Variants in PCDHGA3 observed in about 807,000 individuals in gnomAD.
The protein encoded by PCDHGA3 is protocadherin gamma-A3.
A neutral mutation model predicts 58.5 loss-of-function variants in PCDHGA3; 40 were observed. That is an observed-to-expected ratio of 0.68 (90% CI 0.53 to 0.89). The LOEUF (loss-of-function observed/expected upper bound fraction) is 0.89, where lower values mean the gene tolerates loss of function less well. Ranked by LOEUF, PCDHGA3 falls within the 40% of genes least tolerant of loss-of-function variation. The pLI is 0.00. For synonymous variants in PCDHGA3, 530 were observed against 525.7 expected (o/e 1.01, Z -0.11); for missense variants, 1,223 against 1,195.9 (o/e 1.02, Z -0.33).
chr5:141,409,200 T>C, intron 1 of PCDHGA3: 2 of 1,614,020 alleles, frequency 1.2e-6, no homozygotes, highest in Non-Finnish European at 1.7e-6. Flanking sequence ...CAGTGTAAAG[T>C]AATCATAGAA....
At chr5:141,385,488 T>G in intron 1 of PCDHGA3, 1 of 1,400,248 alleles carries the variant, frequency 7.1e-7, no homozygotes, top group Non-Finnish European at 9.3e-7. Flanking sequence ...ATAGAACACA[T>G]AGGATATAGT....
chr5:141,443,561 C>T (rs1487096752), intron 1 of PCDHGA3, among the ~76,000 whole-genome samples: 3 of 152,118 alleles, frequency 2.0e-5, no homozygotes, highest in Non-Finnish European at 1.5e-5. Context: ...AATTCAAATG[C>T]TTTAAATGGA....
In PCDHGA3 at chr5:141,405,105, A is replaced by T. The variant is rs1239308721; in HGVS notation, c.2424+58648A>T. The T allele has an allele frequency of 5.6e-6, 9 of 1,613,756 alleles. No individual in the cohort carries two copies. In the Admixed American group the frequency reaches 1.5e-4, roughly 27 times the overall value. Reference sequence around the variant, plus strand: ...ACGCTGCTGGCCCTCAGGCTGAGGCACTGGCACTCCTCGCATCTGCTGCGG... The same window carrying T: ...ACGCTGCTGGCCCTCAGGCTGAGGCTCTGGCACTCCTCGCATCTGCTGCGG... On this transcript the variant is annotated intron_variant, in intron 1 of 3. Coordinates refer to ENST00000253812, the MANE Select transcript of PCDHGA3 (RefSeq NM_018916.4).
chr5:141,360,006 A>G lies in PCDHGA3; in HGVS notation c.2424+13549A>G, dbSNP rs551893441. On this transcript the variant is annotated intron_variant, in intron 1 of 3. Transcript: ENST00000253812. ...AGAGGGGAACTTCCTGCACAAACCA[A>G]CCACACAGAGAAGGCCAGTATAGAT... 5.9e-5 allele frequency: 71 copies of G among 1,203,596 alleles called. No homozygotes were observed. The Middle Eastern group carries it at 1.4e-3, about 25-fold the overall frequency. 74.6% of individuals were successfully genotyped at this position (1,203,596 alleles called of 1,614,324 possible). A position where few individuals can be genotyped will look rare whatever the true frequency, so the allele number is the denominator to read the frequency against.
At chr5:141,401,726 A>T (rs943909540) in intron 1 of PCDHGA3, among the ~76,000 whole-genome samples, 1 of 152,186 alleles carries the variant, frequency 6.6e-6, no homozygotes, top group African/African-American at 2.4e-5. Context: ...AAAAACTACT[A>T]GTCTTGTGTA....
chr5:141,485,408 T>C lies in PCDHGA3; in HGVS notation c.2425-9399T>C. On this transcript the variant is annotated intron_variant, in intron 1 of 3. Transcript: ENST00000253812. The surrounding 1 kb of genome is among the most constrained non-coding windows in gnomAD (Gnocchi z 5.7). ...GAACCAAAGACACTTCCGTGTGGAT[T>C]TGGACAGCGGAGCCCTGCTCATCAA... 1 of 1,614,112 alleles carries C rather than the reference T, an allele frequency of 6.2e-7. No individual in the cohort carries two copies. Among genetic ancestry groups the C allele is most frequent in the Non-Finnish European group, 8.5e-7 (1 of 1,180,034 alleles).
rs570809952 is a variant in PCDHGA3 at position 141,463,609 on chromosome 5, C to T, written c.2425-31198C>T. 4.6e-5 allele frequency among the ~76,000 whole-genome samples: 7 copies of T among 151,964 alleles called. No homozygotes were observed. In the East Asian group the frequency reaches 9.7e-4, roughly 21 times the overall value. The stretch of plus-strand genomic sequence containing the variant: ...GACTACAGGTGCCTGCCACCATGCC[C>T]GGCTAATTTTTTGTATTTTGTTTAG... On this transcript the variant is annotated intron_variant, in intron 1 of 3. Coordinates refer to ENST00000253812, the MANE Select transcript of PCDHGA3 (RefSeq NM_018916.4).
chr5:141,456,872 A>C (rs1003618586), intron 1 of PCDHGA3, among the ~76,000 whole-genome samples: 2 of 152,152 alleles, frequency 1.3e-5, no homozygotes, highest in African/African-American at 4.8e-5. Context: ...CTGAGGCAGG[A>C]GAATCGCTTG....
At chr5:141,354,992 G>T in intron 1 of PCDHGA3, 2 of 650,704 alleles carry the variant, frequency 3.1e-6, no homozygotes, top group Non-Finnish European at 4.7e-6. Flanking sequence ...TCACCAATCA[G>T]GGGGAAAAGA....
chr5:141,392,757 AAT>A, intron 1 of PCDHGA3: 1 of 1,471,072 alleles, frequency 6.8e-7, no homozygotes, highest in African/African-American at 1.4e-5. Flanking sequence ...CAAGAAACTA[AAT>A]AAGACCCATT....
At position 141,413,510 on chromosome 5, in the gene PCDHGA3, T is replaced by G. The variant is rs372002880; in HGVS notation, c.2424+67053T>G. On this transcript the variant is annotated intron_variant, in intron 1 of 3. Transcript: ENST00000253812. ...GCGCGGTGCGTGGTGAGTTTTAATA[T>G]CCTTGTGGAAGACAGGGTGAAACTT... The G allele has an allele frequency of 5.4e-5, 87 of 1,613,876 alleles. No individual in the cohort carries two copies. Among genetic ancestry groups the G allele is most frequent in the Middle Eastern group, 1.6e-4 (1 of 6,084 alleles).
intron 1 of PCDHGA3, among the ~76,000 whole-genome samples, chr5:141,455,161 T>G (rs6861291): frequency 0.084 from 8,821 of 104,682 alleles, 480 homozygotes; most frequent in African/African-American, 0.22. Context: ...AGTTTGTTGG[T>G]TTTTTTTTTA....
chr5:141,344,683 G>A lies in PCDHGA3; in HGVS notation c.650G>A (p.Gly217Asp). ...CAGCTTGTCCTGGTTGCCTCTGATG[G>A]TGGCGACCCTGTCCACTCTGGCAAC... Reference protein sequence around the residue: ...IHQLVLVASDGGDPVHSGNLH... With the variant: ...IHQLVLVASDDGDPVHSGNLH... Residue 217 changes from glycine to aspartate, a missense_variant, in exon 1 of 4, where the codon GGT becomes GAT. Gly to Asp is a moderately conservative substitution (Grantham distance 94). Transcript: ENST00000253812. 2 of 1,613,978 alleles carry A rather than the reference G, an allele frequency of 1.2e-6. No homozygotes were observed. The highest frequency in any genetic ancestry group is 1.1e-5 in the South Asian group (1 of 91,084).
chr5:141,440,321 C>T (rs1048535776), intron 1 of PCDHGA3: 1 of 152,104 alleles, frequency 6.6e-6, no homozygotes, highest in African/African-American at 2.4e-5. Context: ...ACAAAAATTA[C>T]TGGGCATGGT....
intron 1 of PCDHGA3, chr5:141,407,933 TG>T: frequency 2.0e-6 from 1 of 505,054 alleles, no homozygotes; most frequent in Non-Finnish European, 3.4e-6. Flanking sequence ...ACGGAGCCTC[TG>T]GGCGCCGCTG....
chr5:141,360,010 C>A, intron 1 of PCDHGA3: 1 of 1,236,796 alleles, frequency 8.1e-7, no homozygotes, highest in Non-Finnish European at 1.1e-6. Flanking sequence ...AAACCAACCA[C>A]ACAGAGAAGG....
intron 1 of PCDHGA3, chr5:141,420,307 A>G (rs2096487660): frequency 1.5e-5 from 22 of 1,459,622 alleles, no homozygotes; most frequent in Non-Finnish European, 1.8e-5. Flanking sequence ...AATCCTTTTT[A>G]TATTACAATA....
chr5:141,434,924 A>G (rs2097731722), intron 1 of PCDHGA3, among the ~76,000 whole-genome samples: 1 of 151,756 alleles, frequency 6.6e-6, no homozygotes, highest in African/African-American at 2.4e-5. Context: ...ATGTACATAT[A>G]TTTTATATAA....
At position 141,486,714 on chromosome 5, in the gene PCDHGA3, CAG is replaced by C; in HGVS notation, c.2425-8092_2425-8091del. ...TCTTTCATCTCTCTGAACCCCCAGA[CAG>C]GAGCTGTTCATGCTACTCGATCCTT... On this transcript the variant is annotated intron_variant, in intron 1 of 3. Coordinates refer to ENST00000253812, the MANE Select transcript of PCDHGA3 (RefSeq NM_018916.4). This position sits in a 1 kb window ranked among gnomAD's most constrained non-coding sequence, Gnocchi z 5.0. 1 of 1,614,216 alleles carries C rather than the reference CAG, an allele frequency of 6.2e-7. No homozygotes were observed. Among genetic ancestry groups the C allele is most frequent in the Non-Finnish European group, 8.5e-7 (1 of 1,180,034 alleles).
Sources: allele counts gnomAD v4.1 joint callset (sites outside exome capture counted in the v4.1 genomes callset), GRCh38; gene constraint gnomAD v4.1.1; non-coding constraint Gnocchi (gnomAD v3.1); transcripts MANE v1.5; gene names NCBI Gene and HGNC (gene_info 2026-07-23, HGNC 2026-07-21).